Variants in EXOC4 observed in about 807,000 individuals in gnomAD.
EXOC4 encodes SEC8-like 1.
Under a neutral mutation model 107.2 loss-of-function variants are expected in EXOC4, and 71 were observed. The ratio of observed to expected loss-of-function variants is 0.66; its 90% CI spans 0.55 to 0.81. The LOEUF is 0.81. Among genes scored for constraint, EXOC4 ranks in the 30% least tolerant of loss-of-function variants. The pLI is 0.00. For missense variants in EXOC4, 1,108 were observed against 1,189.6 expected (o/e 0.93, Z 1.01); for synonymous variants, 456 against 441.2 (o/e 1.03, Z -0.42).
At chr7:133,588,114 AT>A (rs1392135830) in intron 9 of EXOC4, among the ~76,000 whole-genome samples, 1 of 152,160 alleles carries the variant, frequency 6.6e-6, no homozygotes, top group Non-Finnish European at 1.5e-5. Flanking sequence ...TGTGTATTTT[AT>A]CTACTGGAAG....
chr7:133,852,372 G>A (rs1214072969), intron 11 of EXOC4, among the ~76,000 whole-genome samples: 3 of 151,906 alleles, frequency 2.0e-5, no homozygotes, highest in Admixed American at 6.6e-5. Flanking sequence ...ACATATATAG[G>A]TCATTTCTAA....
chr7:134,060,306 G>A (rs1796026499), intron 17 of EXOC4, among the ~76,000 whole-genome samples: 1 of 152,186 alleles, frequency 6.6e-6, no homozygotes, highest in Non-Finnish European at 1.5e-5. Flanking sequence ...ATCCAGCAGG[G>A]TGACTTGAAA....
At position 133,868,122 on chromosome 7, in the gene EXOC4, G is replaced by A. The variant is rs571207695; in HGVS notation, c.1735-27477G>A. Reference sequence around the variant, plus strand: ...TCCTTTTTATTTTTCAAATATTAACGAAAGGAGTTCTTTACCTTTTATTTA... The same window carrying A: ...TCCTTTTTATTTTTCAAATATTAACAAAAGGAGTTCTTTACCTTTTATTTA... On this transcript the variant is annotated intron_variant, in intron 11 of 17. Coordinates refer to ENST00000253861, the MANE Select transcript of EXOC4 (RefSeq NM_021807.4). 3.9e-5 allele frequency among the ~76,000 whole-genome samples: 6 copies of A among 152,236 alleles called. No individual in the cohort carries two copies. The South Asian group carries it at 1.0e-3, about 26-fold the overall frequency.
rs189317326 is a variant in EXOC4, at chr7:133,887,376, A to G, written c.1735-8223A>G. 4.6e-5 allele frequency among the ~76,000 whole-genome samples: 7 copies of G among 152,342 alleles called. No individual in the cohort carries two copies. The East Asian group carries it at 1.3e-3, about 29-fold the overall frequency. On this transcript the variant is annotated intron_variant, in intron 11 of 17. Transcript: ENST00000253861. The stretch of plus-strand genomic sequence containing the variant: ...GTCCTGAGAATCCTGAGAGATTATA[A>G]ACAACTGAGGGAAGGGAAGGATGGG...
chr7:133,670,532 T>A (rs1793923118), intron 10 of EXOC4, among the ~76,000 whole-genome samples: 1 of 152,186 alleles, frequency 6.6e-6, no homozygotes, highest in Non-Finnish European at 1.5e-5. Flanking sequence ...GAAGGCTACT[T>A]TGCCTCTTTG....
intron 10 of EXOC4, among the ~76,000 whole-genome samples, chr7:133,804,013 T>C (rs1373111227): frequency 6.6e-6 from 1 of 152,182 alleles, no homozygotes; most frequent in East Asian, 1.9e-4. Context: ...CATTTTGTTA[T>C]GTCGAAATCC....
chr7:133,602,605 A>T (rs1312058204), intron 9 of EXOC4, among the ~76,000 whole-genome samples: 1 of 152,244 alleles, frequency 6.6e-6, no homozygotes, highest in Non-Finnish European at 1.5e-5. Flanking sequence ...AATGTTTCCT[A>T]AAGCCTAATT....
chr7:133,709,653 T>C (rs946702188), intron 10 of EXOC4, among the ~76,000 whole-genome samples: 5 of 146,510 alleles, frequency 3.4e-5, no homozygotes, highest in Admixed American at 1.3e-4. Flanking sequence ...TTCTTTTTTT[T>C]TTTTTTTTTT....
intron 9 of EXOC4, among the ~76,000 whole-genome samples, chr7:133,567,677 C>T (rs1800934121): frequency 1.3e-5 from 2 of 152,124 alleles, no homozygotes; most frequent in African/African-American, 2.4e-5. Flanking sequence ...GCATATTTGG[C>T]TCATGCTTCT....
chr7:133,514,203 C>T (rs1399628851), intron 9 of EXOC4, among the ~76,000 whole-genome samples: 6 of 151,160 alleles, frequency 4.0e-5, no homozygotes, highest in Admixed American at 2.6e-4. Context: ...CTCGCTCTGT[C>T]GCCCAGGCTG....
At chr7:133,739,222 TTGTGTGTGTGTG>T (rs72444310) in intron 10 of EXOC4, among the ~76,000 whole-genome samples, 53 of 142,408 alleles carry the variant, frequency 3.7e-4, no homozygotes, top group African/African-American at 8.8e-4. Flanking sequence ...GTAGAGGGGT[TTGTGTGTGTGTG>T]TGTGTGTGTG....
At chr7:133,500,476 TC>T (rs1799556544) in intron 9 of EXOC4, among the ~76,000 whole-genome samples, 2 of 152,332 alleles carry the variant, frequency 1.3e-5, no homozygotes, top group African/African-American at 4.8e-5. Flanking sequence ...CAGTAGTTGT[TC>T]CTTTCACTGC....
chr7:133,513,040 G>A (rs1390774415), intron 9 of EXOC4, among the ~76,000 whole-genome samples: 4 of 152,124 alleles, frequency 2.6e-5, no homozygotes, highest in Non-Finnish European at 5.9e-5. Context: ...GGGAAATGGA[G>A]GCTGCAGTGA....
At chr7:133,822,020 A>G (rs1324116122) in intron 11 of EXOC4, among the ~76,000 whole-genome samples, 3 of 152,182 alleles carry the variant, frequency 2.0e-5, no homozygotes, top group Non-Finnish European at 4.4e-5. Flanking sequence ...TTATGCCTCT[A>G]ATGCTCCCAG....
At chr7:134,000,821 G>A (rs1216513348) in intron 15 of EXOC4, among the ~76,000 whole-genome samples, 1 of 152,118 alleles carries the variant, frequency 6.6e-6, no homozygotes, top group Non-Finnish European at 1.5e-5. Flanking sequence ...AGTACAGATA[G>A]AAGAAAACAA....
At chr7:133,820,648 A>C (rs1215384506) in intron 11 of EXOC4, among the ~76,000 whole-genome samples, 2 of 152,222 alleles carry the variant, frequency 1.3e-5, no homozygotes, top group Non-Finnish European at 2.9e-5. Context: ...ATGTCCTTTA[A>C]AATTCTTCCC....
At chr7:133,350,424 G>T (rs185054964) in intron 5 of EXOC4, among the ~76,000 whole-genome samples, 17 of 152,074 alleles carry the variant, frequency 1.1e-4, no homozygotes, top group Admixed American at 3.3e-4. Context: ...TTGTTGAAAG[G>T]CCGTCCTTTC....
chr7:133,817,934 C>A (rs752567099), intron 11 of EXOC4, among the ~76,000 whole-genome samples: 12 of 152,288 alleles, frequency 7.9e-5, no homozygotes, highest in Non-Finnish European at 4.4e-5. Context: ...GCAGGAAACC[C>A]TCTATACCTT....
intron 17 of EXOC4, among the ~76,000 whole-genome samples, chr7:134,041,773 G>T (rs1195478754): frequency 1.3e-5 from 2 of 152,184 alleles, no homozygotes; most frequent in Non-Finnish European, 2.9e-5. Context: ...GAAGGAAACA[G>T]CAAGAATGCT....
Sources: gnomAD v4.1 joint callset for allele counts (sites outside exome capture counted in the v4.1 genomes callset) on GRCh38, gnomAD v4.1.1 for gene constraint, MANE v1.5 for transcripts, NCBI Gene and HGNC (gene_info 2026-07-23, HGNC 2026-07-21) for gene names.